Variants in ALK observed in about 807,000 individuals in gnomAD.
The protein encoded by ALK is ALK tyrosine kinase receptor.
A neutral mutation model predicts 163.1 loss-of-function variants in ALK; 74 were observed. The ratio of observed to expected loss-of-function variants is 0.45; its 90% CI spans 0.38 to 0.55. ALK has a LOEUF of 0.55. Ranked by LOEUF, ALK falls within the 20% of genes least tolerant of loss-of-function variation. The pLI is 0.00. For synonymous variants in ALK, 960 were observed against 843.2 expected (o/e 1.14, Z -2.40); for missense variants, 2,063 against 2,105.3 (o/e 0.98, Z 0.39).
chr2:29,622,887 T>C (rs1676075557), intron 3 of ALK, among the ~76,000 whole-genome samples: 2 of 152,340 alleles, frequency 1.3e-5, no homozygotes, highest in Middle Eastern at 3.4e-3. Flanking sequence ...TGCACCTCAC[T>C]GCTCTAATCA....
intron 3 of ALK, among the ~76,000 whole-genome samples, chr2:29,693,660 A>C (rs143875366): frequency 2.6e-5 from 4 of 152,286 alleles, no homozygotes; most frequent in African/African-American, 4.8e-5. Flanking sequence ...AATCTCCCTC[A>C]TCAGCTTACC....
intron 26 of ALK, among the ~76,000 whole-genome samples, chr2:29,206,853 A>C (rs1416613583): frequency 7.4e-6 from 1 of 134,478 alleles, no homozygotes; most frequent in Non-Finnish European, 1.5e-5. Context: ...TTAAAATTAC[A>C]TGTGGCTGTT....
At chr2:29,622,306 T>C (rs1450593900) in intron 3 of ALK, among the ~76,000 whole-genome samples, 2 of 152,188 alleles carry the variant, frequency 1.3e-5, no homozygotes, top group Non-Finnish European at 2.9e-5. Flanking sequence ...AGAGGTTTAA[T>C]TGGACTTACA....
intron 4 of ALK, among the ~76,000 whole-genome samples, chr2:29,433,195 ATTGT>A (rs1432050082): frequency 6.6e-6 from 1 of 152,120 alleles, no homozygotes; most frequent in Non-Finnish European, 1.5e-5. Flanking sequence ...CAGCCAAGTG[ATTGT>A]TTCTCAGGCC....
intron 3 of ALK, among the ~76,000 whole-genome samples, chr2:29,581,616 C>T (rs1285975610): frequency 6.6e-6 from 1 of 152,132 alleles, no homozygotes; most frequent in Non-Finnish European, 1.5e-5. Context: ...GCCTGGGCGC[C>T]TTGAGGCCTG....
intron 8 of ALK, among the ~76,000 whole-genome samples, chr2:29,303,709 A>G (rs1340033263): frequency 6.6e-6 from 1 of 152,266 alleles, no homozygotes. Context: ...GCCATAAAAA[A>G]GAAAGAAGTC....
At chr2:29,579,011 G>T (rs1441436102) in intron 3 of ALK, among the ~76,000 whole-genome samples, 1 of 152,224 alleles carries the variant, frequency 6.6e-6, no homozygotes, top group Non-Finnish European at 1.5e-5. Flanking sequence ...GCAGGAGAAT[G>T]CACACTCTTG....
chr2:29,627,161 G>A (rs553668760), intron 3 of ALK, among the ~76,000 whole-genome samples: 4 of 152,268 alleles, frequency 2.6e-5, no homozygotes, highest in Non-Finnish European at 2.9e-5. Flanking sequence ...GACACTCTCC[G>A]GAAGGCAGAC....
intron 1 of ALK, among the ~76,000 whole-genome samples, chr2:29,763,687 C>T (rs183390669): frequency 6.6e-6 from 1 of 152,204 alleles, no homozygotes; most frequent in Non-Finnish European, 1.5e-5. Flanking sequence ...AGGGTGCTGT[C>T]CCGCTGCCCC....
intron 4 of ALK, among the ~76,000 whole-genome samples, chr2:29,485,569 A>C (rs1293491172): frequency 6.6e-6 from 1 of 152,190 alleles, no homozygotes; most frequent in Non-Finnish European, 1.5e-5. Context: ...ATTAATCTGA[A>C]GAGGATTCAT....
chr2:29,297,661 C>T (rs931707560), intron 8 of ALK, among the ~76,000 whole-genome samples: 2 of 152,176 alleles, frequency 1.3e-5, no homozygotes, highest in Admixed American at 6.5e-5. Context: ...GGGCATCTTT[C>T]GAAGAGGATG....
intron 1 of ALK, among the ~76,000 whole-genome samples, chr2:29,843,571 T>C (rs756247686): frequency 6.6e-6 from 1 of 152,002 alleles, no homozygotes; most frequent in African/African-American, 2.4e-5. Flanking sequence ...GTGGGCAGAG[T>C]GATGTCCAAG....
intron 4 of ALK, among the ~76,000 whole-genome samples, chr2:29,390,094 G>A (rs2148306403): frequency 6.6e-6 from 1 of 152,264 alleles, no homozygotes; most frequent in African/African-American, 2.4e-5. Flanking sequence ...AATGCAGGTT[G>A]GCATGCCTCT....
chr2:29,355,459 C>A (rs77425338), intron 5 of ALK, among the ~76,000 whole-genome samples: 47 of 152,172 alleles, frequency 3.1e-4, no homozygotes, highest in Non-Finnish European at 6.2e-4. Flanking sequence ...TCCCTGCTAA[C>A]ACACACACCA....
At chr2:29,824,151 G>A (rs1256829812) in intron 1 of ALK, among the ~76,000 whole-genome samples, 5 of 152,232 alleles carry the variant, frequency 3.3e-5, no homozygotes, top group African/African-American at 1.2e-4. Flanking sequence ...TCCATGTAGT[G>A]TTGAGCCTGC....
At chr2:29,695,708 A>C (rs904308831) in intron 2 of ALK, among the ~76,000 whole-genome samples, 3 of 152,236 alleles carry the variant, frequency 2.0e-5, no homozygotes, top group African/African-American at 7.2e-5. Context: ...GGCAAAGGAT[A>C]TGAACAGACA....
chr2:29,744,917 C>G (rs1232815990), intron 1 of ALK, among the ~76,000 whole-genome samples: 1 of 152,026 alleles, frequency 6.6e-6, no homozygotes, highest in African/African-American at 2.4e-5. Flanking sequence ...CATGAGTGAC[C>G]CAGGCAAGTC....
rs1477518339 is a variant in ALK at position 29,246,039 on chromosome 2, T to C, written c.2204+5066A>G. ...GGGACCTGGGGCCTCTTGTCCATTA[T>C]GTCTGAAGAGCAGGTGAGCTGTGGG... On this transcript the variant is annotated intron_variant, in intron 12 of 28. Transcript: ENST00000389048. The surrounding 1 kb of genome is among the most constrained non-coding windows in gnomAD (Gnocchi z 4.3). Among the ~76,000 whole-genome samples the C allele has an allele frequency of 6.6e-6, 1 of 152,232 alleles. No individual in the cohort carries two copies. Among genetic ancestry groups the C allele is most frequent in the Non-Finnish European group, 1.5e-5 (1 of 68,038 alleles).
At chr2:29,496,224 A>C (rs1672016983) in intron 4 of ALK, among the ~76,000 whole-genome samples, 1 of 152,226 alleles carries the variant, frequency 6.6e-6, no homozygotes, top group Non-Finnish European at 1.5e-5. Flanking sequence ...TATGCTTATA[A>C]ACAGCTTTTT....
Sources: allele counts gnomAD v4.1 joint callset (sites outside exome capture counted in the v4.1 genomes callset), GRCh38; gene constraint gnomAD v4.1.1; non-coding constraint Gnocchi (gnomAD v3.1); transcripts MANE v1.5; gene names NCBI Gene and HGNC (gene_info 2026-07-23, HGNC 2026-07-21).